The following ZC3H12B variants were observed in gnomAD, a reference collection of about 807,000 sequenced individuals.
ZC3H12B encodes the protein probable ribonuclease ZC3H12B.
In ZC3H12B, 7 loss-of-function variants were observed where a neutral mutation model predicts 43.9. That is an observed-to-expected ratio of 0.16 (90% CI 0.09 to 0.30). The LOEUF (loss-of-function observed/expected upper bound fraction) is 0.30, where lower values mean the gene tolerates loss of function less well. ZC3H12B is among the 10% of genes least tolerant of loss of function. ZC3H12B has a pLI of 1.00. For missense variants in ZC3H12B, 475 were observed against 670.2 expected (o/e 0.71, Z 3.22); for synonymous variants, 222 against 241.7 (o/e 0.92, Z 0.76).
chrX:65,330,826 C>G, the ZC3H12B span: 1 of 192,342 alleles, frequency 5.2e-6, no homozygotes, highest in Non-Finnish European at 1.0e-5. Context: ...TCTACCCAGG[C>G]CCTTTTCTTC....
chrX:65,475,755 G>A (rs1312198595), intron 3 of ZC3H12B, among the ~76,000 whole-genome samples: 1 of 111,983 alleles, frequency 8.9e-6, no homozygotes, highest in Non-Finnish European at 1.9e-5. Context: ...ATGGCGGCAG[G>A]CAAGAGGGTA....
At chrX:65,283,895 C>G in the ZC3H12B span, among the ~76,000 whole-genome samples, 1 of 111,113 alleles carries the variant, frequency 9.0e-6, no homozygotes, top group Non-Finnish European at 1.9e-5. Flanking sequence ...TGGCAGTTCC[C>G]AGTGTCAATA....
the ZC3H12B span, among the ~76,000 whole-genome samples, chrX:65,197,606 TCTA>T: frequency 3.6e-5 from 4 of 112,166 alleles, no homozygotes; most frequent in Non-Finnish European, 7.5e-5. Flanking sequence ...TGGGTGATAT[TCTA>T]CTAACAGCCC....
the ZC3H12B span, among the ~76,000 whole-genome samples, chrX:65,249,673 C>A: frequency 9.0e-6 from 1 of 111,145 alleles, no homozygotes; most frequent in Non-Finnish European, 1.9e-5. Flanking sequence ...AATATTCATT[C>A]TAGCCATCCA....
the ZC3H12B span, among the ~76,000 whole-genome samples, chrX:65,087,557 C>T: frequency 1.8e-5 from 2 of 111,319 alleles, no homozygotes; most frequent in Admixed American, 9.5e-5. Flanking sequence ...GCAAGGTGAA[C>T]GGACTAGATG....
chrX:65,320,945 C>G, the ZC3H12B span, among the ~76,000 whole-genome samples: 3 of 112,316 alleles, frequency 2.7e-5, no homozygotes, highest in Non-Finnish European at 5.6e-5. Context: ...TATGAAAACT[C>G]TAGAAGACAA....
At chrX:65,146,464 T>A in the ZC3H12B span, among the ~76,000 whole-genome samples, 1 of 111,887 alleles carries the variant, frequency 8.9e-6, no homozygotes, top group Non-Finnish European at 1.9e-5. Context: ...TTCAAGTAAA[T>A]CTGGGATTTC....
the ZC3H12B span, among the ~76,000 whole-genome samples, chrX:65,332,619 C>T: frequency 9.0e-6 from 1 of 111,387 alleles, no homozygotes; most frequent in African/African-American, 3.3e-5. Flanking sequence ...TTACCTATCC[C>T]TCTTGTTTCT....
chrX:65,175,610 C>T, the ZC3H12B span, among the ~76,000 whole-genome samples: 2 of 112,020 alleles, frequency 1.8e-5, no homozygotes, highest in African/African-American at 3.2e-5. Context: ...ATAGGAACAG[C>T]TCTGGTCTGC....
At chrX:65,369,751 C>A in intron 2 of ZC3H12B, among the ~76,000 whole-genome samples, 1 of 111,340 alleles carries the variant, frequency 9.0e-6, no homozygotes, top group South Asian at 3.8e-4. Context: ...AAGTGAGAAC[C>A]AAAATTTCCA....
At chrX:65,466,915 AATATATATATATATATATATATATAT>A (rs58150008) in intron 3 of ZC3H12B, among the ~76,000 whole-genome samples, 313 of 23,937 alleles carry the variant, frequency 0.013, 16 homozygotes, top group Non-Finnish European at 0.027. Flanking sequence ...TATAAAACCA[AATATATATATATATATATATATATAT>A]ATATATATAT....
the ZC3H12B span, among the ~76,000 whole-genome samples, chrX:65,309,594 T>G: frequency 3.6e-5 from 4 of 112,069 alleles, no homozygotes; most frequent in African/African-American, 1.3e-4. Context: ...CCATTCCTTC[T>G]GAAACTTCCA....
At chrX:65,455,577 C>T (rs779710817) in intron 3 of ZC3H12B, among the ~76,000 whole-genome samples, 1 of 111,851 alleles carries the variant, frequency 8.9e-6, no homozygotes, top group African/African-American at 3.2e-5. Flanking sequence ...AGGAGAAATT[C>T]CCCAATCTAG....
the ZC3H12B span, among the ~76,000 whole-genome samples, chrX:65,211,595 G>A: frequency 1.0e-5 from 1 of 98,341 alleles, no homozygotes. Flanking sequence ...AATTGATAGA[G>A]TTGGATGCCA....
intron 2 of ZC3H12B, among the ~76,000 whole-genome samples, chrX:65,379,246 G>A (rs752182811): frequency 9.0e-5 from 10 of 111,693 alleles, no homozygotes; most frequent in Non-Finnish European, 1.5e-4. Flanking sequence ...CTCCCAGCAC[G>A]CAGCTGGAGA....
At chrX:65,356,876 C>A in the ZC3H12B span, 1 of 340,235 alleles carries the variant, frequency 2.9e-6, no homozygotes, top group Non-Finnish European at 5.6e-6. Flanking sequence ...AAGTGAGATA[C>A]CATGTTAACT....
intron 2 of ZC3H12B, among the ~76,000 whole-genome samples, chrX:65,385,807 G>C (rs2066515993): frequency 8.9e-6 from 1 of 111,872 alleles, no homozygotes; most frequent in African/African-American, 3.3e-5. Context: ...TTATTATTTT[G>C]AGCTATGTCC....
chrX:65,134,230 G>A, the ZC3H12B span, among the ~76,000 whole-genome samples: 1 of 110,834 alleles, frequency 9.0e-6, no homozygotes, highest in Admixed American at 9.5e-5. Context: ...TGCAATGTGT[G>A]TGAGCAGCCA....
the ZC3H12B span, among the ~76,000 whole-genome samples, chrX:65,077,431 G>A: frequency 8.9e-6 from 1 of 112,276 alleles, no homozygotes; most frequent in African/African-American, 3.2e-5. Context: ...GGGTTGGGTT[G>A]GACTGCTGGA....
Sources: gnomAD v4.1 joint callset for allele counts (sites outside exome capture counted in the v4.1 genomes callset) on GRCh38, gnomAD v4.1.1 for gene constraint, MANE v1.5 for transcripts, NCBI Gene and HGNC (gene_info 2026-07-23, HGNC 2026-07-21) for gene names.